CCDC192: variants seen among roughly 807,000 people sequenced by gnomAD.
CCDC192 encodes coiled-coil domain-containing protein 192.
At chr5:127,830,381 A>G (rs1042875597) in intron 5 of CCDC192, among the ~76,000 whole-genome samples, 3 of 152,182 alleles carry the variant, frequency 2.0e-5, no homozygotes, top group Admixed American at 2.0e-4. Context: ...GACTTAAACA[A>G]TGGAAATGTA....
chr5:127,880,617 A>C (rs1251666656), intron 6 of CCDC192, among the ~76,000 whole-genome samples: 1 of 151,824 alleles, frequency 6.6e-6, no homozygotes, highest in East Asian at 1.9e-4. Context: ...TAAATAAATA[A>C]ATAAAATGAA....
chr5:127,779,317 A>G (rs1430783851), intron 3 of CCDC192, among the ~76,000 whole-genome samples: 1 of 152,040 alleles, frequency 6.6e-6, no homozygotes, highest in Non-Finnish European at 1.5e-5. Context: ...TTTTTTTGAG[A>G]TGGAGTCTTG....
intron 5 of CCDC192, among the ~76,000 whole-genome samples, chr5:127,844,176 T>G (rs1026560364): frequency 3.3e-5 from 5 of 152,260 alleles, no homozygotes; most frequent in Admixed American, 6.5e-5. Context: ...GGAAAAATCT[T>G]GCAAGCCATC....
chr5:127,767,513 A>G lies in CCDC192; in HGVS notation c.222+13138A>G, dbSNP rs576851729. On this transcript the variant is annotated intron_variant, in intron 3 of 6. Transcript: ENST00000514853. ...TTACTTTATGTCCAATCTCATGTTG[A>G]CTTTAATTTCTTAGAACCCAATATT... is the stretch of plus-strand genomic sequence containing the variant. Among the ~76,000 whole-genome samples, 8 of 152,230 alleles carry G rather than the reference A, an allele frequency of 5.3e-5. No individual in the cohort carries two copies. The East Asian group carries it at 1.5e-3, about 29-fold the overall frequency.
In CCDC192 at chr5:127,764,093, A is replaced by G. The variant is rs558203160; in HGVS notation, c.222+9718A>G. Reference sequence around the variant, plus strand: ...CCTCTGAGGTCCTAAGCCAAATTAGAATTCATTACTTGTCCCTTTTCTGTC... The same window carrying G: ...CCTCTGAGGTCCTAAGCCAAATTAGGATTCATTACTTGTCCCTTTTCTGTC... On this transcript the variant is annotated intron_variant, in intron 3 of 6. Coordinates refer to ENST00000514853, the MANE Select transcript of CCDC192 (RefSeq NM_001317938.2). Among the ~76,000 whole-genome samples, 3 of 152,314 alleles carry G rather than the reference A, an allele frequency of 2.0e-5. No homozygotes were observed. In the South Asian group the frequency reaches 6.2e-4, roughly 32 times the overall value.
chr5:127,760,199 G>T (rs1045723701), intron 3 of CCDC192, among the ~76,000 whole-genome samples: 2 of 150,778 alleles, frequency 1.3e-5, no homozygotes, highest in Non-Finnish European at 2.9e-5. Flanking sequence ...TTGAAGTGAT[G>T]ATACCAGCCC....
chr5:127,715,110 C>T (rs935908310), intron 2 of CCDC192, among the ~76,000 whole-genome samples: 14 of 152,082 alleles, frequency 9.2e-5, no homozygotes, highest in African/African-American at 3.1e-4. Flanking sequence ...CTTTGCAATA[C>T]AGAAGCTTTT....
intron 5 of CCDC192, among the ~76,000 whole-genome samples, chr5:127,839,791 A>AAT (rs1225039840): frequency 6.6e-6 from 1 of 151,900 alleles, no homozygotes; most frequent in Non-Finnish European, 1.5e-5. Flanking sequence ...TATGGATTGT[A>AAT]AGATATATAT....
At chr5:127,916,590 G>A (rs1223517021) in intron 6 of CCDC192, among the ~76,000 whole-genome samples, 1 of 152,200 alleles carries the variant, frequency 6.6e-6, no homozygotes, top group Non-Finnish European at 1.5e-5. Flanking sequence ...TGTTACATTA[G>A]CAGACATGAA....
At chr5:127,744,243 G>T in intron 2 of CCDC192, among the ~76,000 whole-genome samples, 1 of 151,922 alleles carries the variant, frequency 6.6e-6, no homozygotes, top group East Asian at 1.9e-4. Context: ...CAGGGTGAGG[G>T]GCTGAGGCAT....
chr5:127,780,055 C>T (rs1756106007), intron 3 of CCDC192, among the ~76,000 whole-genome samples: 1 of 152,040 alleles, frequency 6.6e-6, no homozygotes. Flanking sequence ...CTGCAAATGC[C>T]ATTAATTCAT....
intron 2 of CCDC192, among the ~76,000 whole-genome samples, chr5:127,712,149 A>C (rs778210501): frequency 1.1e-4 from 16 of 152,110 alleles, no homozygotes; most frequent in Non-Finnish European, 1.5e-4. Flanking sequence ...ATTGTTTTGA[A>C]ATTTATCCAT....
chr5:127,772,776 C>CAAGG (rs1429256934), intron 3 of CCDC192, among the ~76,000 whole-genome samples: 4 of 152,148 alleles, frequency 2.6e-5, no homozygotes, highest in Admixed American at 6.5e-5. Context: ...CAGGGCTGGA[C>CAAGG]AAGGCCAAGC....
chr5:127,794,211 C>T (rs891121926), intron 3 of CCDC192, among the ~76,000 whole-genome samples: 1 of 152,158 alleles, frequency 6.6e-6, no homozygotes, highest in Non-Finnish European at 1.5e-5. Flanking sequence ...GATTCCTGAA[C>T]CAATCAACAG....
In CCDC192 at chr5:127,758,761, C is replaced by A. The variant is rs908595592; in HGVS notation, c.222+4386C>A. Reference sequence around the variant, plus strand: ...AGAAAGATGAAAAGTAAAAGCATTTCTAGAGAAGCCCATAAAAAATAGTTT... The same window carrying A: ...AGAAAGATGAAAAGTAAAAGCATTTATAGAGAAGCCCATAAAAAATAGTTT... On this transcript the variant is annotated intron_variant, in intron 3 of 6. Transcript: ENST00000514853. 1.2e-4 allele frequency among the ~76,000 whole-genome samples: 18 copies of A among 152,162 alleles called. 1 individual carries two copies. The highest frequency in any genetic ancestry group is 2.1e-4 in the Non-Finnish European group (14 of 68,024).
chr5:127,797,002 T>C (rs1196851976), intron 3 of CCDC192, 101 bp from the exon 4 acceptor site: 5 of 382,156 alleles, frequency 1.3e-5, no homozygotes, highest in African/African-American at 2.1e-5. Flanking sequence ...TCATATTTAG[T>C]AGATACTGGT....
chr5:127,732,939 C>T (rs1446647840), intron 2 of CCDC192, among the ~76,000 whole-genome samples: 1 of 152,096 alleles, frequency 6.6e-6, no homozygotes, highest in Non-Finnish European at 1.5e-5. Context: ...AGCAAATCAC[C>T]ATGGCACACG....
chr5:127,752,330 C>T (rs1056795433), intron 2 of CCDC192, among the ~76,000 whole-genome samples: 335 of 152,252 alleles, frequency 2.2e-3, no homozygotes, highest in African/African-American at 7.7e-3. Context: ...TTCCTTCTAA[C>T]AGACAGGACC....
chr5:127,855,148 C>T (rs1024360487), intron 5 of CCDC192, among the ~76,000 whole-genome samples: 16 of 152,122 alleles, frequency 1.1e-4, no homozygotes, highest in African/African-American at 3.4e-4. Context: ...CTCTTGCTTT[C>T]GTGAAAGATT....
Sources: gnomAD v4.1 joint callset for allele counts (sites outside exome capture counted in the v4.1 genomes callset) on GRCh38, gnomAD v4.1.1 for gene constraint, MANE v1.5 for transcripts, NCBI Gene and HGNC (gene_info 2026-07-23, HGNC 2026-07-21) for gene names.